Variants in CFI observed in about 807,000 individuals in gnomAD.
CFI encodes complement factor I, also known as C3B/C4B inactivator.
A neutral mutation model predicts 78.8 loss-of-function variants in CFI; 66 were observed. That is an observed-to-expected ratio of 0.84 (90% confidence interval 0.69 to 1.03). The LOEUF (loss-of-function observed/expected upper bound fraction) is 1.03, where lower values mean the gene tolerates loss of function less well. CFI is among the 50% of genes least tolerant of loss of function. CFI has a pLI of 0.00. For missense variants in CFI, 706 were observed against 704.5 expected (o/e 1.00, Z -0.02); for synonymous variants, 250 against 232.6 (o/e 1.07, Z -0.68).
At chr4:109,744,682 C>G (rs538193647) in intron 11 of CFI, among the ~76,000 whole-genome samples, 1 of 152,220 alleles carries the variant, frequency 6.6e-6, no homozygotes, top group East Asian at 1.9e-4. Flanking sequence ...ACCTGCGTAG[C>G]CCCTGTGATT....
chr4:109,777,759 G>C (rs1298729545), intron 1 of CFI, among the ~76,000 whole-genome samples: 3 of 152,120 alleles, frequency 2.0e-5, no homozygotes, highest in Non-Finnish European at 4.4e-5. Context: ...AAATGTAAAA[G>C]AACAGAAATT....
At chr4:109,798,357 G>C (rs535321994) in intron 1 of CFI, among the ~76,000 whole-genome samples, 2 of 152,260 alleles carry the variant, frequency 1.3e-5, no homozygotes, top group Admixed American at 6.5e-5. Context: ...AATAAAGAGA[G>C]TGAGAGGAAA....
Position 109,775,080 on chromosome 4 carries a change from T to C in CFI, c.58-8256A>G, listed in dbSNP as rs562866930. The stretch of plus-strand genomic sequence containing the variant: ...TGGCCAAATAGGAACAGCTCCAGTC[T>C]GCAGCTCCCAGTGTGAGCGACGCAG... On this transcript the variant is annotated intron_variant, in intron 1 of 12. Transcript: ENST00000394634. 2.2e-3 allele frequency among the ~76,000 whole-genome samples: 335 copies of C among 152,268 alleles called. 1 individual carries two copies. The highest frequency in any genetic ancestry group is 7.4e-3 in the African/African-American group (309 of 41,566).
chr4:109,760,756 A>C lies in CFI; in HGVS notation c.659-120T>G, dbSNP rs559804742. 93 of 711,132 alleles carry C rather than the reference A, an allele frequency of 1.3e-4. 1 individual carries two copies. The South Asian group carries it at 1.3e-3, about 10-fold the overall frequency. 44.1% of individuals were successfully genotyped at this position (711,132 alleles called of 1,614,324 possible). ...AGTTAAACTTCAAAAAAATGTATAA[A>C]ACGTATTGGTATTATCAACATAGTA... On this transcript the variant is annotated intron_variant, in intron 4 of 12. Coordinates refer to ENST00000394634, the MANE Select transcript of CFI (RefSeq NM_000204.5).
chr4:109,784,646 A>C (rs1730516049), intron 1 of CFI, among the ~76,000 whole-genome samples: 1 of 152,146 alleles, frequency 6.6e-6, no homozygotes, highest in African/African-American at 2.4e-5. Context: ...CCACATTATG[A>C]GAAGAAAAAA....
Position 109,761,618 on chromosome 4 carries a change from C to CTCT in CFI, c.556_557insAGA (p.Cys186delinsTer). 2 of 1,613,830 alleles carry CTCT rather than the reference C, an allele frequency of 1.2e-6. No homozygotes were observed. The highest frequency in any genetic ancestry group is 1.7e-6 in the Non-Finnish European group (2 of 1,179,762). On this transcript the variant is annotated stop_gained, in exon 4 of 13. Transcript: ENST00000394634. LOFTEE classifies it high-confidence loss of function. ...AGCCAAACTGGTCTCTAATCCTCGG[C>CTCT]AATGCACATGTAGACATTCAGTGGA... is the stretch of plus-strand genomic sequence containing the variant.
downstream of CFI, among the ~76,000 whole-genome samples, chr4:109,737,326 C>T (rs112635452): frequency 3.4e-3 from 523 of 152,276 alleles, 5 homozygotes; most frequent in African/African-American, 0.012. Context: ...GTTAGCTCCT[C>T]ACACTGCAGG....
At position 109,740,721 on chromosome 4, in the gene CFI, G is replaced by T; in HGVS notation, c.*172C>A. The T allele has an allele frequency of 4.2e-6, 3 of 707,942 alleles. No homozygotes were observed. Among genetic ancestry groups the T allele is most frequent in the Non-Finnish European group, 7.4e-6 (3 of 407,532 alleles). The allele number at this position is 707,942 out of a possible 1,614,324, so 43.9% of individuals were successfully genotyped here. A position where few individuals can be genotyped will look rare whatever the true frequency, so the allele number is the denominator to read the frequency against. ...ATGCTTCACCAAAATATTTATTTGA[G>T]AATTATACAACAAAATTCCAATATG... On this transcript the variant is annotated 3_prime_UTR_variant, in exon 13 of 13. Coordinates refer to ENST00000394634, the MANE Select transcript of CFI (RefSeq NM_000204.5).
intron 7 of CFI, among the ~76,000 whole-genome samples, chr4:109,755,350 C>G (rs1725995295): frequency 6.6e-6 from 1 of 152,158 alleles, no homozygotes; most frequent in South Asian, 2.1e-4. Flanking sequence ...AAAGAACATA[C>G]AGGCACTAGT....
Position 109,759,515 on chromosome 4 carries a change from A to T in CFI, c.883+755T>A, listed in dbSNP as rs6533454. On this transcript the variant is annotated intron_variant, in intron 6 of 12. Coordinates refer to ENST00000394634, the MANE Select transcript of CFI (RefSeq NM_000204.5). ...TATCTAACATAGATTTTAGATATACAAATGAGAGAATGAATGGTTTTATAT... is the reference window on the plus strand; with the variant it reads ...TATCTAACATAGATTTTAGATATACTAATGAGAGAATGAATGGTTTTATAT... Among the ~76,000 whole-genome samples the T allele has an allele frequency of 8.3e-3, 1,265 of 152,286 alleles. 20 individuals carry two copies. The highest frequency in any genetic ancestry group is 0.029 in the African/African-American group (1,185 of 41,524).
chr4:109,772,988 G>C (rs1052561067), intron 1 of CFI, among the ~76,000 whole-genome samples: 4 of 152,132 alleles, frequency 2.6e-5, no homozygotes, highest in Admixed American at 6.5e-5. Flanking sequence ...TTTTCCCCTT[G>C]AGGTTGGGCA....
chr4:109,773,130 T>C (rs1057113160), intron 1 of CFI, among the ~76,000 whole-genome samples: 2 of 152,138 alleles, frequency 1.3e-5, no homozygotes, highest in African/African-American at 2.4e-5. Context: ...ACACAAATTG[T>C]AGCGATACCA....
intron 11 of CFI, among the ~76,000 whole-genome samples, chr4:109,744,712 T>A (rs1211920385): frequency 6.6e-6 from 1 of 152,150 alleles, no homozygotes; most frequent in African/African-American, 2.4e-5. Flanking sequence ...CCTACGTATA[T>A]CTTTGTAATG....
intron 8 of CFI, among the ~76,000 whole-genome samples, chr4:109,752,230 G>A (rs1161420783): frequency 1.3e-5 from 2 of 152,052 alleles, no homozygotes; most frequent in African/African-American, 4.8e-5. Context: ...TTGGAGTATT[G>A]TTTTCATTTC....
rs148878497 is a variant in CFI at position 109,775,063 on chromosome 4, T to C, written c.58-8239A>G. 5.3e-3 allele frequency among the ~76,000 whole-genome samples: 813 copies of C among 152,138 alleles called. 7 individuals carry two copies. The highest frequency in any genetic ancestry group is 0.019 in the African/African-American group (779 of 41,510). ...TTGAGGAGGTTCCAATATGGCCAAA[T>C]AGGAACAGCTCCAGTCTGCAGCTCC... On this transcript the variant is annotated intron_variant, in intron 1 of 12. Coordinates refer to ENST00000394634, the MANE Select transcript of CFI (RefSeq NM_000204.5).
the CFI span, among the ~76,000 whole-genome samples, chr4:109,735,347 T>C: frequency 1.3e-5 from 2 of 152,204 alleles, no homozygotes; most frequent in African/African-American, 4.8e-5. Context: ...AAATGGTTTC[T>C]TCTATATATA....
chr4:109,778,523 C>G (rs1391420790), intron 1 of CFI, among the ~76,000 whole-genome samples: 1 of 152,060 alleles, frequency 6.6e-6, no homozygotes, highest in Non-Finnish European at 1.5e-5. Context: ...CAGGACCAGA[C>G]AGATTCACAG....
intron 7 of CFI, among the ~76,000 whole-genome samples, chr4:109,754,901 C>T (rs1056202982): frequency 1.3e-5 from 2 of 152,044 alleles, no homozygotes; most frequent in Admixed American, 1.3e-4. Context: ...CTGAGGTGTA[C>T]TAGGTATTAG....
intron 1 of CFI, among the ~76,000 whole-genome samples, chr4:109,787,571 C>T (rs1248798986): frequency 1.3e-5 from 2 of 151,658 alleles, no homozygotes; most frequent in Non-Finnish European, 2.9e-5. Context: ...TTCCAATTCA[C>T]ATAAGAAATT....
Sources: gnomAD v4.1 joint callset for allele counts (sites outside exome capture counted in the v4.1 genomes callset) on GRCh38, gnomAD v4.1.1 for gene constraint, MANE v1.5 for transcripts, NCBI Gene and HGNC (gene_info 2026-07-23, HGNC 2026-07-21) for gene names.